The following LYPLAL1 variants were observed in gnomAD, a reference collection of about 807,000 sequenced individuals.
The protein encoded by LYPLAL1 is lysophospholipase like 1, also known as lysophospholipase-like protein 1.
LYPLAL1 carries 23 observed loss-of-function variants against 19.7 expected under a neutral mutation model. The observed-to-expected ratio is 1.17, with a 90% CI of 0.84 to 1.65. The LOEUF (loss-of-function observed/expected upper bound fraction) is 1.65, where lower values mean the gene tolerates loss of function less well. Ranked by LOEUF, LYPLAL1 falls within the 40% of genes most tolerant of loss-of-function variation. The probability of loss-of-function intolerance (pLI) is 0.00; values close to 1 mark genes in which losing one functional copy is unlikely to be tolerated. For synonymous variants in LYPLAL1, 119 were observed against 96.3 expected (o/e 1.24, Z -1.38); for missense variants, 355 against 279.4 (o/e 1.27, Z -1.93).
At chr1:219,430,613 ACACT>A in the LYPLAL1 span, among the ~76,000 whole-genome samples, 3 of 152,176 alleles carry the variant, frequency 2.0e-5, no homozygotes, top group African/African-American at 7.2e-5. Flanking sequence ...AGCCTGGAAA[ACACT>A]CATTCTTTCT....
the LYPLAL1 span, among the ~76,000 whole-genome samples, chr1:219,224,501 A>G: frequency 2.0e-5 from 3 of 152,164 alleles, no homozygotes; most frequent in South Asian, 4.1e-4. Flanking sequence ...ATCATTTTAT[A>G]CATATGGAAA....
chr1:219,337,725 A>C, the LYPLAL1 span, among the ~76,000 whole-genome samples: 5 of 152,132 alleles, frequency 3.3e-5, no homozygotes, highest in African/African-American at 1.2e-4. Flanking sequence ...TTGTAAATGA[A>C]GTTTCATCGG....
chr1:219,181,711 T>C (rs1051746760), intron 2 of LYPLAL1, among the ~76,000 whole-genome samples: 1 of 152,138 alleles, frequency 6.6e-6, no homozygotes, highest in African/African-American at 2.4e-5. Context: ...GTTAATACTA[T>C]GAGGCAATTC....
intron 2 of LYPLAL1, among the ~76,000 whole-genome samples, chr1:219,185,153 T>A (rs1466678898): frequency 6.6e-6 from 1 of 151,972 alleles, no homozygotes; most frequent in Non-Finnish European, 1.5e-5. Flanking sequence ...TCATGAAATT[T>A]GTATCTTTTT....
the LYPLAL1 span, among the ~76,000 whole-genome samples, chr1:219,266,504 T>C: frequency 6.6e-6 from 1 of 152,094 alleles, no homozygotes; most frequent in African/African-American, 2.4e-5. Flanking sequence ...TTTTTCACAG[T>C]TAACTTTTTT....
the LYPLAL1 span, among the ~76,000 whole-genome samples, chr1:219,234,847 A>G: frequency 6.6e-6 from 1 of 152,302 alleles, no homozygotes; most frequent in Admixed American, 6.5e-5. Context: ...AAGACAAGTT[A>G]TAATCGCAAA....
the LYPLAL1 span, among the ~76,000 whole-genome samples, chr1:219,305,757 A>G: frequency 6.6e-6 from 1 of 152,192 alleles, no homozygotes; most frequent in Admixed American, 6.5e-5. Flanking sequence ...AAGAAATACA[A>G]GGCTGATTCC....
At chr1:219,273,544 G>A in the LYPLAL1 span, among the ~76,000 whole-genome samples, 1 of 152,322 alleles carries the variant, frequency 6.6e-6, no homozygotes, top group South Asian at 2.1e-4. Context: ...GCTAATGACG[G>A]AGGAGGTGAG....
At chr1:219,225,090 AGCT>A in the LYPLAL1 span, among the ~76,000 whole-genome samples, 2 of 151,946 alleles carry the variant, frequency 1.3e-5, no homozygotes, top group Non-Finnish European at 2.9e-5. Flanking sequence ...TCTCTGGCTG[AGCT>A]GCTATTTCTA....
At chr1:219,340,555 G>A in the LYPLAL1 span, among the ~76,000 whole-genome samples, 2 of 152,062 alleles carry the variant, frequency 1.3e-5, no homozygotes, top group Non-Finnish European at 2.9e-5. Flanking sequence ...TAATAGGTGG[G>A]TTAGGTTTTC....
At chr1:219,381,586 T>C in the LYPLAL1 span, among the ~76,000 whole-genome samples, 1 of 152,190 alleles carries the variant, frequency 6.6e-6, no homozygotes, top group African/African-American at 2.4e-5. Flanking sequence ...GAGTGGGCCA[T>C]AGGTGGCTTA....
At chr1:219,336,245 A>T in the LYPLAL1 span, among the ~76,000 whole-genome samples, 1 of 151,726 alleles carries the variant, frequency 6.6e-6, no homozygotes, top group East Asian at 2.0e-4. Flanking sequence ...ATGGCTTCAA[A>T]ATTGAGTTGT....
intron 3 of LYPLAL1, among the ~76,000 whole-genome samples, chr1:219,205,046 T>A (rs1658441013): frequency 1.3e-5 from 2 of 152,176 alleles, no homozygotes; most frequent in African/African-American, 4.8e-5. Context: ...GAGGGAATGA[T>A]GGCCTATTAA....
the LYPLAL1 span, among the ~76,000 whole-genome samples, chr1:219,326,038 C>T: frequency 5.3e-5 from 8 of 152,010 alleles, no homozygotes; most frequent in South Asian, 2.1e-4. Context: ...CTCAGCCTCC[C>T]GAGTAGCTGG....
At chr1:219,258,646 G>T in the LYPLAL1 span, among the ~76,000 whole-genome samples, 11 of 151,724 alleles carry the variant, frequency 7.3e-5, no homozygotes, top group Non-Finnish European at 1.5e-5. Context: ...AATATATTTG[G>T]GTATAAATCG....
chr1:219,233,705 G>T, the LYPLAL1 span, among the ~76,000 whole-genome samples: 1 of 152,056 alleles, frequency 6.6e-6, no homozygotes, highest in Non-Finnish European at 1.5e-5. Context: ...ACGAGGTCGA[G>T]GCTGCAGTGA....
At chr1:219,313,806 A>T in the LYPLAL1 span, among the ~76,000 whole-genome samples, 4 of 152,154 alleles carry the variant, frequency 2.6e-5, no homozygotes, top group South Asian at 2.1e-4. Flanking sequence ...AAGTGCTGGG[A>T]TTACAGGCAT....
chr1:219,222,169 C>CA, the LYPLAL1 span: 2 of 69,954 alleles, frequency 2.9e-5, no homozygotes, highest in Non-Finnish European at 7.2e-5. Flanking sequence ...CCACTTAAGG[C>CA]AGTGAGAGGA....
At chr1:219,258,295 T>C in the LYPLAL1 span, among the ~76,000 whole-genome samples, 2 of 152,000 alleles carry the variant, frequency 1.3e-5, no homozygotes, top group African/African-American at 2.4e-5. Context: ...CTTACAAAGA[T>C]AACAGGATTA....
Sources: allele counts gnomAD v4.1 joint callset (sites outside exome capture counted in the v4.1 genomes callset), GRCh38; gene constraint gnomAD v4.1.1; transcripts MANE v1.5; gene names NCBI Gene and HGNC (gene_info 2026-07-23, HGNC 2026-07-21).